ANXA8: variants seen among roughly 807,000 people sequenced by gnomAD.
The protein encoded by ANXA8 is VAC-beta.
Under a neutral mutation model 26.8 loss-of-function variants are expected in ANXA8, and 9 were observed. The observed-to-expected ratio is 0.34, with a 90% CI of 0.20 to 0.59. The LOEUF (loss-of-function observed/expected upper bound fraction) is 0.59. Among genes scored for constraint, ANXA8 ranks in the 20% least tolerant of loss-of-function variants. ANXA8 has a pLI of 0.84. For missense variants in ANXA8, 83 were observed against 238.5 expected, an observed-to-expected ratio of 0.35 and a Z score of 4.29; for synonymous variants, 39 against 94.8, an observed-to-expected ratio of 0.41 and a Z score of 3.42.
At chr10:47,704,141 T>C in the ANXA8 span, among the ~76,000 whole-genome samples, 1 of 142,130 alleles carries the variant, frequency 7.0e-6, no homozygotes, top group Non-Finnish European at 1.6e-5. Flanking sequence ...TTAAATAACA[T>C]ATACATTTTA....
At chr10:47,652,995 G>A in the ANXA8 span, among the ~76,000 whole-genome samples, 2 of 151,414 alleles carry the variant, frequency 1.3e-5, no homozygotes, top group African/African-American at 4.9e-5. Flanking sequence ...TAGGGACAAG[G>A]TGACATTGGT....
chr10:47,617,909 C>T, the ANXA8 span, among the ~76,000 whole-genome samples: 4 of 137,698 alleles, frequency 2.9e-5, no homozygotes, highest in Admixed American at 2.9e-4. Flanking sequence ...ATGCTTTGCG[C>T]CCTGCACCAT....
the ANXA8 span, among the ~76,000 whole-genome samples, chr10:47,675,768 A>G: frequency 6.6e-6 from 1 of 151,894 alleles, no homozygotes; most frequent in Non-Finnish European, 1.5e-5. Flanking sequence ...GAGAAGAAAT[A>G]GTCAGTAGAA....
chr10:47,644,263 A>G, the ANXA8 span, among the ~76,000 whole-genome samples: 2 of 149,396 alleles, frequency 1.3e-5, no homozygotes, highest in Non-Finnish European at 2.9e-5. Context: ...CATTAAACTT[A>G]TAAGAGAAAA....
the ANXA8 span, among the ~76,000 whole-genome samples, chr10:47,651,179 G>A: frequency 2.1e-4 from 32 of 151,166 alleles, no homozygotes; most frequent in East Asian, 9.8e-4. Flanking sequence ...CAGCCTGGGC[G>A]GCAGAGCAAG....
the ANXA8 span, among the ~76,000 whole-genome samples, chr10:47,609,377 G>A: frequency 7.5e-6 from 1 of 133,696 alleles, no homozygotes; most frequent in African/African-American, 3.2e-5. Context: ...AAGAGCTCAC[G>A]ATGATTGAGG....
the ANXA8 span, among the ~76,000 whole-genome samples, chr10:47,980,283 AG>A: frequency 6.6e-6 from 1 of 151,880 alleles, no homozygotes; most frequent in African/African-American, 2.4e-5. Context: ...AGCAATACTT[AG>A]GGAGACTTTT....
chr10:47,651,116 C>G, the ANXA8 span, among the ~76,000 whole-genome samples: 2 of 151,304 alleles, frequency 1.3e-5, no homozygotes, highest in African/African-American at 4.9e-5. Context: ...GGAGGATCTG[C>G]TTGAGCCTGT....
chr10:47,733,183 T>TTCTTTCTTTCTTTCTTTCTCTCTCTC, the ANXA8 span, among the ~76,000 whole-genome samples: 5 of 87,052 alleles, frequency 5.7e-5, no homozygotes, highest in African/African-American at 1.6e-4. Flanking sequence ...CTTTCTTTCT[T>TTCTTTCTTTCTTTCTTTCTCTCTCTC]TCTTTCTTTC....
At chr10:47,708,665 TGAAAA>T in the ANXA8 span, among the ~76,000 whole-genome samples, 165 of 150,616 alleles carry the variant, frequency 1.1e-3, no homozygotes, top group African/African-American at 3.7e-3. Flanking sequence ...AAGTAAAAGT[TGAAAA>T]GAAAAGACTT....
chr10:47,944,960 T>C, the ANXA8 span, among the ~76,000 whole-genome samples: 1 of 148,976 alleles, frequency 6.7e-6, no homozygotes, highest in Admixed American at 6.7e-5. Flanking sequence ...CCTTAAACTC[T>C]CTGCACTCTC....
At chr10:47,969,169 G>A in the ANXA8 span, among the ~76,000 whole-genome samples, 4 of 151,252 alleles carry the variant, frequency 2.6e-5, no homozygotes, top group South Asian at 8.4e-4. Context: ...GGTGAGAAAG[G>A]CAGCTGGTCC....
chr10:47,683,130 G>GA, the ANXA8 span, among the ~76,000 whole-genome samples: 146 of 151,254 alleles, frequency 9.7e-4, 1 homozygote, highest in African/African-American at 3.1e-3. Context: ...TGTTTCTGAG[G>GA]AAAAAAATCA....
At chr10:47,668,846 G>C in the ANXA8 span, among the ~76,000 whole-genome samples, 1 of 151,554 alleles carries the variant, frequency 6.6e-6, no homozygotes, top group Admixed American at 6.6e-5. Context: ...TTGTTGACTA[G>C]AGTTCACTCT....
At chr10:47,957,870 A>C in the ANXA8 span, among the ~76,000 whole-genome samples, 5,211 of 149,046 alleles carry the variant, frequency 0.035, 545 homozygotes, top group African/African-American at 0.13. Context: ...ATATCTAACA[A>C]AGTACTGGTA....
the ANXA8 span, among the ~76,000 whole-genome samples, chr10:47,918,479 T>G: frequency 2.4e-5 from 1 of 42,256 alleles, no homozygotes; most frequent in Non-Finnish European, 5.0e-5. Context: ...TATCCAGGGT[T>G]GAGGTGGGCG....
the ANXA8 span, among the ~76,000 whole-genome samples, chr10:47,680,577 G>A: frequency 6.6e-6 from 1 of 151,778 alleles, no homozygotes; most frequent in Non-Finnish European, 1.5e-5. Context: ...AGAGGTTGCA[G>A]TGAGCTGAGA....
the ANXA8 span, among the ~76,000 whole-genome samples, chr10:47,686,738 A>G: frequency 6.6e-6 from 1 of 151,944 alleles, no homozygotes; most frequent in Non-Finnish European, 1.5e-5. Flanking sequence ...GGAATGTTTC[A>G]GAAAAGAGGG....
At chr10:47,668,965 A>AGG in the ANXA8 span, among the ~76,000 whole-genome samples, 1 of 151,734 alleles carries the variant, frequency 6.6e-6, no homozygotes, top group Non-Finnish European at 1.5e-5. Context: ...GTCTGGTGGG[A>AGG]GGAGGTCTGT....
Sources: allele counts gnomAD v4.1 joint callset (sites outside exome capture counted in the v4.1 genomes callset), GRCh38; gene constraint gnomAD v4.1.1; transcripts MANE v1.5; gene names NCBI Gene and HGNC (gene_info 2026-07-23, HGNC 2026-07-21).